ABCG8: variants seen among roughly 807,000 people sequenced by gnomAD.
ABCG8 encodes the protein ATP binding cassette subfamily G member 8.
In ABCG8, 81 loss-of-function variants were observed where a neutral mutation model predicts 71.3. That is an observed-to-expected ratio of 1.14 (90% confidence interval 0.95 to 1.37). The LOEUF (loss-of-function observed/expected upper bound fraction) is 1.37. Ranked by LOEUF, ABCG8 falls within the 40% of genes most tolerant of loss-of-function variation. The probability of loss-of-function intolerance (pLI) is 0.00; values close to 1 mark genes in which losing one functional copy is unlikely to be tolerated. For synonymous variants in ABCG8, 451 were observed against 354.7 expected, an observed-to-expected ratio of 1.27 and a Z score of -3.05; for missense variants, 1,119 against 866.2, an observed-to-expected ratio of 1.29 and a Z score of -3.66.
At chr2:43,862,046 A>C (rs1356630144) in intron 6 of ABCG8, among the ~76,000 whole-genome samples, 1 of 149,870 alleles carries the variant, frequency 6.7e-6, no homozygotes, top group African/African-American at 2.5e-5. Flanking sequence ...CTCACCATCT[A>C]GATAGAACTC....
rs879364421 is a variant in ABCG8, at chr2:43,865,696, AATAT to A, written c.965-6279_965-6276del. On this transcript the variant is annotated intron_variant, in intron 6 of 12. Transcript: ENST00000272286. The stretch of plus-strand genomic sequence containing the variant: ...TTCTCACTGTCTGGATAGAACTCTC[AATAT>A]CTATGTGGATAGAACTCTCACTGTC... Among the ~76,000 whole-genome samples the A allele has an allele frequency of 8.3e-3, 1,167 of 140,964 alleles. 4 individuals carry two copies. Among genetic ancestry groups the A allele is most frequent in the Middle Eastern group, 0.043 (11 of 258 alleles). 92.5% of individuals were successfully genotyped at this position (140,964 alleles called of 152,430 possible).
chr2:43,841,671 G>A (rs1668584506), intron 1 of ABCG8, among the ~76,000 whole-genome samples: 1 of 152,126 alleles, frequency 6.6e-6, no homozygotes. Context: ...GGGGCTTGGG[G>A]TGAGCCTTGG....
intron 8 of ABCG8, among the ~76,000 whole-genome samples, chr2:43,873,127 C>G (rs998411551): frequency 1.3e-5 from 2 of 152,040 alleles, no homozygotes; most frequent in East Asian, 1.9e-4. Context: ...ATCTTGATGG[C>G]CAGATTATCT....
At chr2:43,859,017 T>C (rs1029503671) in intron 6 of ABCG8, among the ~76,000 whole-genome samples, 2 of 151,404 alleles carry the variant, frequency 1.3e-5, no homozygotes, top group African/African-American at 4.8e-5. Flanking sequence ...GGTGGAACTC[T>C]CACTATCTAT....
At chr2:43,871,152 A>G (rs1399195283) in intron 6 of ABCG8, among the ~76,000 whole-genome samples, 10 of 152,040 alleles carry the variant, frequency 6.6e-5, no homozygotes, top group African/African-American at 2.4e-4. Context: ...CTCTGGATAG[A>G]ACTGTCACTA....
rs1474416976 is a variant in ABCG8 at position 43,844,535 on chromosome 2, A to C, written c.92A>C (p.Glu31Ala). 6.8e-6 allele frequency: 11 copies of C among 1,614,026 alleles called. 1 individual carries two copies. Among genetic ancestry groups the C allele is most frequent in the Middle Eastern group, 1.6e-4 (1 of 6,084 alleles). Residue 31 changes from glutamate to alanine, a missense_variant, in exon 2 of 13, where the codon GAA becomes GCA. By Grantham distance (107) the Glu-to-Ala change is moderately radical. Transcript: ENST00000272286. ...CTCCAGGATAGATTGTTCTCCTCTG[A>C]AAGTGACAACAGCCTGTACTTCACC... is the stretch of plus-strand genomic sequence containing the variant. ...SGLQDRLFSSESDNSLYFTYS... is the reference protein window; with the variant it reads ...SGLQDRLFSSASDNSLYFTYS...
At position 43,875,565 on chromosome 2, in the gene ABCG8, G is replaced by A. The variant is rs561731823; in HGVS notation, c.1756+152G>A. 190 of 974,406 alleles carry A rather than the reference G, an allele frequency of 1.9e-4. No individual in the cohort carries two copies. In the South Asian group the frequency reaches 3.1e-3, roughly 16 times the overall value. The allele number at this position is 974,406 out of a possible 1,614,324, so 60.4% of individuals were successfully genotyped here. A position where few individuals can be genotyped will look rare whatever the true frequency, so the allele number is the denominator to read the frequency against. ...GAGGCCTTTGCCCACTGCCCTGGAG[G>A]CCAAAGGAATGATTCCATTAGAGAT... On this transcript the variant is annotated intron_variant, in intron 11 of 12. Transcript: ENST00000272286.
chr2:43,875,197 C>T lies in ABCG8; in HGVS notation c.1540C>T (p.Pro514Ser). ...TGCCTACATCATCATCTACGGGATG[C>T]CCACCTACTGGCTGGCCAACCTGAG... ...HCAYIIIYGMPTYWLANLRPG... is the reference protein window; with the variant it reads ...HCAYIIIYGMSTYWLANLRPG... The change falls in exon 11 of 13, where the codon CCC (proline) becomes TCC (serine). Residue 514 changes from proline (P) to serine (S), a missense_variant. Pro to Ser is a moderately conservative substitution (Grantham distance 74, BLOSUM62 -1). Coordinates refer to ENST00000272286, the MANE Select transcript of ABCG8 (RefSeq NM_022437.3). 1.2e-6 allele frequency: 2 copies of T among 1,614,218 alleles called. No homozygotes were observed. Among genetic ancestry groups the T allele is most frequent in the Non-Finnish European group, 1.7e-6 (2 of 1,180,034 alleles).
intron 6 of ABCG8, among the ~76,000 whole-genome samples, chr2:43,861,052 C>A (rs969893822): frequency 6.0e-5 from 9 of 151,160 alleles, no homozygotes; most frequent in Admixed American, 3.3e-4. Flanking sequence ...AATTCTCACT[C>A]TCTGGATAGA....
chr2:43,867,041 T>G (rs749866703), intron 6 of ABCG8, among the ~76,000 whole-genome samples: 3 of 151,942 alleles, frequency 2.0e-5, no homozygotes, highest in African/African-American at 2.4e-5. Context: ...TTCATGTCCT[T>G]TATAGGAACA....
chr2:43,872,727 T>G (rs781031955), intron 8 of ABCG8, among the ~76,000 whole-genome samples: 1 of 152,108 alleles, frequency 6.6e-6, no homozygotes, highest in Non-Finnish European at 1.5e-5. Context: ...GAAACAGCAT[T>G]GTTGGGACCA....
chr2:43,852,834 C>T lies in ABCG8; in HGVS notation c.930C>T (p.Pro310=). 6.2e-7 allele frequency: 1 copy of T among 1,614,176 alleles called. No homozygotes were observed. The highest frequency in any genetic ancestry group is 8.5e-7 in the Non-Finnish European group (1 of 1,180,026). Reference sequence around the variant, plus strand: ...AGTATTTCACAGCCATCGGCTACCCCTGTCCTCGCTACAGCAATCCTGCTG... The same window carrying T: ...AGTATTTCACAGCCATCGGCTACCCTTGTCCTCGCTACAGCAATCCTGCTG... The part of the protein sequence containing the change: ...MVQYFTAIGY[P]CPRYSNPADF... Residue 310 remains proline (P), a synonymous_variant, in exon 6 of 13, where the codon CCC becomes CCT. Coordinates refer to ENST00000272286, the MANE Select transcript of ABCG8 (RefSeq NM_022437.3).
chr2:43,866,040 G>A (rs555889928), intron 6 of ABCG8, among the ~76,000 whole-genome samples: 6 of 151,782 alleles, frequency 4.0e-5, no homozygotes, highest in Middle Eastern at 3.4e-3. Context: ...AAATAACGCC[G>A]CATATCTACA....
rs562447483 is a variant in ABCG8, at chr2:43,872,227, G to T, written c.1132G>T (p.Val378Leu). The T allele has an allele frequency of 6.2e-7, 1 of 1,613,966 alleles. No individual in the cohort carries two copies. Among genetic ancestry groups the T allele is most frequent in the East Asian group, 2.2e-5 (1 of 44,888 alleles). The change falls in exon 8 of 13, where the codon GTG (valine) becomes TTG (leucine). Residue 378 changes from valine (V) to leucine (L), a missense_variant. Val to Leu is a conservative substitution (Grantham distance 32, BLOSUM62 1). Transcript: ENST00000272286. ...LDEDTCVESS[V>L]TPLDTNCLPS... is the part of the protein sequence containing the mutation. Reference sequence around the variant, plus strand: ...GCCACATCTTCTGCCTCCCAGCAGCGTGACCCCACTAGACACCAACTGCCT... The same window carrying T: ...GCCACATCTTCTGCCTCCCAGCAGCTTGACCCCACTAGACACCAACTGCCT...
intron 6 of ABCG8, among the ~76,000 whole-genome samples, chr2:43,861,666 T>A (rs1164855458): frequency 6.6e-6 from 1 of 151,266 alleles, no homozygotes; most frequent in Non-Finnish European, 1.5e-5. Context: ...GATAGAACTA[T>A]CACCCTCTGG....
intron 3 of ABCG8, among the ~76,000 whole-genome samples, chr2:43,849,021 T>TAAAAAAAAAAA (rs1193216137): frequency 1.8e-5 from 1 of 54,704 alleles, no homozygotes; most frequent in East Asian, 6.1e-4. Flanking sequence ...AAACACTGTC[T>TAAAAAAAAAAA]AAAAAAAAAA....
rs146548006 is a variant in ABCG8 at position 43,840,519 on chromosome 2, C to T, written c.63+1403C>T. ...TCCTGTCACTCCAGGTGCTGAGTGA[C>T]GGTCTGCCCGTAACACCTGTGGGTC... On this transcript the variant is annotated intron_variant, in intron 1 of 12. Coordinates refer to ENST00000272286, the MANE Select transcript of ABCG8 (RefSeq NM_022437.3). Among the ~76,000 whole-genome samples the T allele has an allele frequency of 1.0e-3, 155 of 152,292 alleles. 2 individuals are homozygous for T. The East Asian group carries it at 0.019, about 19-fold the overall frequency.
rs41281459 is a variant in ABCG8, at chr2:43,851,612, G to T, written c.351G>T (p.Val117=). ...SGCGRASLLD[V]ITGRGHGGKI... is the part of the protein sequence containing the mutation. ...GTGGGAGAGCCTCCTTGCTAGATGT[G>T]ATCACTGGCCGAGGTCACGGCGGCA... The change falls in exon 4 of 13, where the codon GTG becomes GTT. Residue 117 remains valine (V), a synonymous_variant. Coordinates refer to ENST00000272286, the MANE Select transcript of ABCG8 (RefSeq NM_022437.3). The T allele has an allele frequency of 1.9e-6, 3 of 1,614,090 alleles. No individual in the cohort carries two copies. Among genetic ancestry groups the T allele is most frequent in the African/African-American group, 2.7e-5 (2 of 74,940 alleles).
chr2:43,873,443 C>G (rs1262418541), intron 8 of ABCG8, among the ~76,000 whole-genome samples: 1 of 152,174 alleles, frequency 6.6e-6, no homozygotes, highest in Non-Finnish European at 1.5e-5. Flanking sequence ...CCACCTGCCT[C>G]AGCCTCCCAA....
Sources: allele counts gnomAD v4.1 joint callset (sites outside exome capture counted in the v4.1 genomes callset), GRCh38; gene constraint gnomAD v4.1.1; transcripts MANE v1.5; gene names NCBI Gene and HGNC (gene_info 2026-07-23, HGNC 2026-07-21).